The following KCNIP4 variants were observed in gnomAD, a reference collection of about 807,000 sequenced individuals.
The protein encoded by KCNIP4 is potassium voltage-gated channel interacting protein 4, also known as Kv channel-interacting protein 4.
In KCNIP4, 12 loss-of-function variants were observed where a neutral mutation model predicts 34.0. That is an observed-to-expected ratio of 0.35 (90% CI 0.23 to 0.57). The LOEUF (loss-of-function observed/expected upper bound fraction) is 0.57, where lower values mean the gene tolerates loss of function less well. KCNIP4 is among the 20% of genes least tolerant of loss of function. KCNIP4 has a pLI of 0.83. For missense variants in KCNIP4, 238 were observed against 311.7 expected, an observed-to-expected ratio of 0.76 and a Z score of 1.78; for synonymous variants, 124 against 102.2, an observed-to-expected ratio of 1.21 and a Z score of -1.29.
chr4:21,028,547 C>T (rs1740742369), intron 1 of KCNIP4, among the ~76,000 whole-genome samples: 1 of 152,154 alleles, frequency 6.6e-6, no homozygotes, highest in Non-Finnish European at 1.5e-5. Flanking sequence ...AACATGATTC[C>T]CAGAGGCAGT....
At chr4:21,348,341 A>C (rs534265773) in intron 1 of KCNIP4, among the ~76,000 whole-genome samples, 3 of 152,350 alleles carry the variant, frequency 2.0e-5, no homozygotes, top group African/African-American at 7.2e-5. Context: ...AAATAGACAC[A>C]GTTGTCTCTG....
chr4:21,224,170 C>T (rs578153604), intron 1 of KCNIP4, among the ~76,000 whole-genome samples: 1 of 152,064 alleles, frequency 6.6e-6, no homozygotes. Context: ...GTTTGGGTTG[C>T]CGTAACAAAA....
chr4:21,477,301 C>T (rs1357467501), intron 1 of KCNIP4, among the ~76,000 whole-genome samples: 2 of 152,156 alleles, frequency 1.3e-5, no homozygotes, highest in Non-Finnish European at 2.9e-5. Context: ...TTGTGCCTGA[C>T]AGACACCGAA....
At chr4:21,388,359 T>C (rs1722228080) in intron 1 of KCNIP4, among the ~76,000 whole-genome samples, 1 of 151,836 alleles carries the variant, frequency 6.6e-6, no homozygotes, top group Non-Finnish European at 1.5e-5. Context: ...CTAGGCTGTA[T>C]ATGACATAAG....
At chr4:21,302,896 T>C (rs1711909758) in intron 1 of KCNIP4, among the ~76,000 whole-genome samples, 2 of 152,220 alleles carry the variant, frequency 1.3e-5, no homozygotes, top group African/African-American at 4.8e-5. Flanking sequence ...ATTTTCCTTT[T>C]TACTTAAGTT....
At chr4:21,427,111 T>C (rs996726966) in intron 1 of KCNIP4, among the ~76,000 whole-genome samples, 6 of 151,948 alleles carry the variant, frequency 3.9e-5, no homozygotes, top group African/African-American at 1.5e-4. Context: ...TTCAGTCTAC[T>C]TAGTAGGAAC....
chr4:20,940,820 T>C (rs1376378756), intron 1 of KCNIP4, among the ~76,000 whole-genome samples: 1 of 152,178 alleles, frequency 6.6e-6, no homozygotes, highest in Non-Finnish European at 1.5e-5. Context: ...CAAAGACTAA[T>C]TAATTAGTAG....
chr4:21,255,357 T>G (rs1760993134), intron 1 of KCNIP4, among the ~76,000 whole-genome samples: 1 of 152,176 alleles, frequency 6.6e-6, no homozygotes, highest in Non-Finnish European at 1.5e-5. Context: ...TATTATCTTA[T>G]ACCTATCCTT....
chr4:21,397,716 A>G (rs6843177), intron 1 of KCNIP4, among the ~76,000 whole-genome samples: 27,224 of 152,114 alleles, frequency 0.18, 4,587 homozygotes, highest in African/African-American at 0.43. Flanking sequence ...TGCTATCAAA[A>G]AGCTAAATAT....
chr4:20,877,256 C>G (rs1054278123), intron 2 of KCNIP4, among the ~76,000 whole-genome samples: 2 of 152,170 alleles, frequency 1.3e-5, no homozygotes, highest in African/African-American at 4.8e-5. Context: ...GCTTTTTCCA[C>G]CTTCTAGTAA....
intron 1 of KCNIP4, among the ~76,000 whole-genome samples, chr4:21,209,273 T>C (rs1757064529): frequency 6.6e-6 from 1 of 152,260 alleles, no homozygotes; most frequent in Admixed American, 6.5e-5. Context: ...GAACACTCAG[T>C]ATCCTTCTAA....
chr4:21,429,177 T>C (rs1259544698), intron 1 of KCNIP4, among the ~76,000 whole-genome samples: 1 of 152,234 alleles, frequency 6.6e-6, no homozygotes, highest in African/African-American at 2.4e-5. Flanking sequence ...ATGAACTTTT[T>C]ACTGTCTTCA....
At chr4:21,808,934 G>T (rs1721461583) in intron 1 of KCNIP4, among the ~76,000 whole-genome samples, 1 of 152,140 alleles carries the variant, frequency 6.6e-6, no homozygotes, top group Non-Finnish European at 1.5e-5. Flanking sequence ...GACACACCAT[G>T]CCAGGCTTCA....
chr4:21,484,430 T>TAAA (rs71191509), intron 1 of KCNIP4, among the ~76,000 whole-genome samples: 3 of 149,484 alleles, frequency 2.0e-5, no homozygotes, highest in African/African-American at 7.3e-5. Context: ...TCCGTCACAA[T>TAAA]AAAAAAAAAA....
At chr4:21,208,737 C>G (rs1211556024) in intron 1 of KCNIP4, among the ~76,000 whole-genome samples, 1 of 152,090 alleles carries the variant, frequency 6.6e-6, no homozygotes, top group Non-Finnish European at 1.5e-5. Context: ...CATTTTCATA[C>G]TGCTGTAAAG....
chr4:21,897,772 C>CA (rs986710194), intron 1 of KCNIP4, among the ~76,000 whole-genome samples: 6 of 151,666 alleles, frequency 4.0e-5, no homozygotes, highest in South Asian at 2.1e-4. Flanking sequence ...ACTATTCATA[C>CA]AAAAAAAAGC....
chr4:21,080,760 C>T (rs1003305401), intron 1 of KCNIP4, among the ~76,000 whole-genome samples: 3 of 151,772 alleles, frequency 2.0e-5, no homozygotes, highest in African/African-American at 7.3e-5. Flanking sequence ...ACTGTCTAGG[C>T]CAGTGTTTTG....
intron 1 of KCNIP4, among the ~76,000 whole-genome samples, chr4:21,016,351 T>A (rs1739543906): frequency 6.6e-6 from 1 of 151,394 alleles, no homozygotes; most frequent in African/African-American, 2.4e-5. Flanking sequence ...TATGCTGGAA[T>A]GCAGTGGCCC....
intron 1 of KCNIP4, among the ~76,000 whole-genome samples, chr4:21,158,717 C>T (rs1014070722): frequency 6.6e-6 from 1 of 152,048 alleles, no homozygotes; most frequent in Non-Finnish European, 1.5e-5. Flanking sequence ...TATTTTCCCT[C>T]TAATATCATG....
Sources: gnomAD v4.1 joint callset for allele counts (sites outside exome capture counted in the v4.1 genomes callset) on GRCh38, gnomAD v4.1.1 for gene constraint, MANE v1.5 for transcripts, NCBI Gene and HGNC (gene_info 2026-07-23, HGNC 2026-07-21) for gene names.